The following KAZN variants were observed in gnomAD, a reference collection of about 807,000 sequenced individuals.
KAZN encodes the protein kazrin, periplakin interacting protein, also known as kazrin.
In KAZN, 40 loss-of-function variants were observed where a neutral mutation model predicts 87.4. That is an observed-to-expected ratio of 0.46 (90% CI 0.36 to 0.60). The LOEUF is 0.60. KAZN is among the 20% of genes least tolerant of loss of function. The pLI is 0.00. For missense variants in KAZN, 898 were observed against 1,073.9 expected, an observed-to-expected ratio of 0.84 and a Z score of 2.29; for synonymous variants, 466 against 458.3, an observed-to-expected ratio of 1.02 and a Z score of -0.22.
intron 1 of KAZN, among the ~76,000 whole-genome samples, chr1:14,031,147 TA>T (rs1641311839): frequency 1.3e-5 from 2 of 152,236 alleles, no homozygotes; most frequent in Non-Finnish European, 2.9e-5. Context: ...TATTTACTTA[TA>T]AGCTAGTTGC....
chr1:14,288,826 T>C (rs142707962), intron 2 of KAZN, among the ~76,000 whole-genome samples: 6,404 of 152,328 alleles, frequency 0.042, 166 homozygotes, highest in Middle Eastern at 0.072. Flanking sequence ...TTTAGTGCTA[T>C]AAATTTCCCT....
chr1:14,791,124 A>G (rs1324284303), intron 1 of KAZN, among the ~76,000 whole-genome samples: 2 of 152,178 alleles, frequency 1.3e-5, no homozygotes. Flanking sequence ...CCCTCGAAAC[A>G]GCCTTGAGAT....
chr1:14,741,035 C>A (rs1043582216), intron 1 of KAZN, among the ~76,000 whole-genome samples: 10 of 152,190 alleles, frequency 6.6e-5, no homozygotes, highest in African/African-American at 2.4e-4. Context: ...AGCCTCCAGG[C>A]AGCTGGGGCA....
At chr1:14,435,841 G>A (rs966440736) in intron 2 of KAZN, among the ~76,000 whole-genome samples, 16 of 152,044 alleles carry the variant, frequency 1.1e-4, no homozygotes, top group African/African-American at 3.4e-4. Flanking sequence ...TTAGAATGGG[G>A]ATGGTGACAG....
chr1:15,060,520 G>A, intron 6 of KAZN: 1 of 633,724 alleles, frequency 1.6e-6, no homozygotes, highest in Admixed American at 3.1e-5. Flanking sequence ...CCGGGAGGGT[G>A]AGGAGAATCC....
chr1:14,516,755 C>G (rs1671319762), intron 2 of KAZN, among the ~76,000 whole-genome samples: 1 of 152,174 alleles, frequency 6.6e-6, no homozygotes, highest in Non-Finnish European at 1.5e-5. Context: ...TAAATCAGTC[C>G]TTACCTATTG....
At chr1:14,890,139 A>ACAGT (rs1654543970) in intron 1 of KAZN, among the ~76,000 whole-genome samples, 1 of 152,230 alleles carries the variant, frequency 6.6e-6, no homozygotes, top group Non-Finnish European at 1.5e-5. Flanking sequence ...AACTTGCTGA[A>ACAGT]CAGTCGCCTT....
At chr1:14,238,462 G>GTC (rs1401772405) in intron 2 of KAZN, among the ~76,000 whole-genome samples, 1 of 152,184 alleles carries the variant, frequency 6.6e-6, no homozygotes, top group Admixed American at 6.5e-5. Flanking sequence ...GTTAACAGGA[G>GTC]TCATTTGGGA....
At chr1:14,365,378 G>T (rs1470351160) in intron 2 of KAZN, among the ~76,000 whole-genome samples, 2 of 144,762 alleles carry the variant, frequency 1.4e-5, no homozygotes, top group Non-Finnish European at 3.1e-5. Context: ...TGGGGGGGGG[G>T]GGGGTCTTTC....
At chr1:14,270,950 G>A (rs944916888) in intron 2 of KAZN, among the ~76,000 whole-genome samples, 8 of 152,270 alleles carry the variant, frequency 5.3e-5, no homozygotes, top group African/African-American at 1.4e-4. Context: ...CCCTCATGGC[G>A]CACGGAGAAA....
At chr1:14,210,574 T>A (rs912612758) in intron 2 of KAZN, among the ~76,000 whole-genome samples, 1 of 152,182 alleles carries the variant, frequency 6.6e-6, no homozygotes, top group Admixed American at 6.5e-5. Context: ...ATTCTCAAAC[T>A]TTTTGGTTAG....
intron 2 of KAZN, among the ~76,000 whole-genome samples, chr1:14,355,875 G>A (rs1658978382): frequency 6.6e-6 from 1 of 152,160 alleles, no homozygotes; most frequent in South Asian, 2.1e-4. Context: ...ATTGTGAAGA[G>A]TGTTGCAATA....
rs1328794357 is a variant in KAZN at position 15,116,630 on chromosome 1, C to T, written c.*1995C>T. 6.6e-6 allele frequency: 1 copy of T among 152,240 alleles called. No homozygotes were observed. Among genetic ancestry groups the T allele is most frequent in the Non-Finnish European group, 1.5e-5 (1 of 68,056 alleles). 9.4% of individuals were successfully genotyped at this position (152,240 alleles called of 1,614,324 possible). A position where few individuals can be genotyped will look rare whatever the true frequency, so the allele number is the denominator to read the frequency against. ...CTCCCTCCAACCTGGTGCCACAGGTCTCTCCCAAGCCACATCCAGCCTGGA... is the reference window on the plus strand; with the variant it reads ...CTCCCTCCAACCTGGTGCCACAGGTTTCTCCCAAGCCACATCCAGCCTGGA... On this transcript the variant is annotated 3_prime_UTR_variant, in exon 15 of 15. Transcript: ENST00000376030.
chr1:14,338,488 GAAAAA>G (rs543667115), intron 2 of KAZN, among the ~76,000 whole-genome samples: 1 of 81,598 alleles, frequency 1.2e-5, no homozygotes, highest in African/African-American at 4.5e-5. Context: ...CCATCTTAGA[GAAAAA>G]AAAAAAAAAA....
intron 1 of KAZN, among the ~76,000 whole-genome samples, chr1:14,050,088 A>G (rs1642247823): frequency 1.3e-5 from 2 of 150,612 alleles, no homozygotes; most frequent in South Asian, 4.2e-4. Context: ...ATGCCTGTGT[A>G]CATGTGTGCA....
intron 1 of KAZN, among the ~76,000 whole-genome samples, chr1:14,784,590 C>T (rs1318325810): frequency 1.3e-5 from 2 of 152,170 alleles, no homozygotes; most frequent in Non-Finnish European, 2.9e-5. Context: ...AAAACCCCGT[C>T]TCTACAAAAA....
At chr1:14,977,288 C>T (rs962638985) in intron 2 of KAZN, among the ~76,000 whole-genome samples, 2 of 152,154 alleles carry the variant, frequency 1.3e-5, no homozygotes, top group Admixed American at 6.5e-5. Flanking sequence ...AAAAGAGGGA[C>T]GTAGTAGGGA....
intron 8 of KAZN, among the ~76,000 whole-genome samples, chr1:15,080,619 C>T (rs1639952052): frequency 6.6e-6 from 1 of 152,246 alleles, no homozygotes; most frequent in South Asian, 2.1e-4. Context: ...CTACATCCAA[C>T]AGGGCAGCCA....
intron 2 of KAZN, among the ~76,000 whole-genome samples, chr1:14,540,062 A>G (rs1229633726): frequency 1.3e-5 from 2 of 152,174 alleles, no homozygotes; most frequent in Non-Finnish European, 2.9e-5. Context: ...AGTCCAAAGG[A>G]GACGAAATTG....
Sources: gnomAD v4.1 joint callset for allele counts (sites outside exome capture counted in the v4.1 genomes callset) on GRCh38, gnomAD v4.1.1 for gene constraint, MANE v1.5 for transcripts, NCBI Gene and HGNC (gene_info 2026-07-23, HGNC 2026-07-21) for gene names.